Variants in PDE9A observed in about 807,000 individuals in gnomAD.
PDE9A encodes the protein phosphodiesterase 9A.
A neutral mutation model predicts 87.4 loss-of-function variants in PDE9A; 60 were observed. The observed-to-expected ratio is 0.69, with a 90% CI of 0.56 to 0.85. PDE9A has a LOEUF of 0.85. Ranked by LOEUF, PDE9A falls within the 40% of genes least tolerant of loss-of-function variation. The pLI, the probability that PDE9A is intolerant of heterozygous loss-of-function variation, is 0.00. For missense variants in PDE9A, 665 were observed against 779.0 expected (o/e 0.85, Z 1.74); for synonymous variants, 272 against 279.4 (o/e 0.97, Z 0.27).
intron 4 of PDE9A, among the ~76,000 whole-genome samples, chr21:42,726,937 G>A (rs985886065): frequency 2.0e-5 from 3 of 151,554 alleles, no homozygotes; most frequent in Non-Finnish European, 4.4e-5. Flanking sequence ...GTACCTCACA[G>A]TCTTGATTAC....
In PDE9A at chr21:42,691,306, G is replaced by A. The variant is rs180706227; in HGVS notation, c.218+3312G>A. Among the ~76,000 whole-genome samples, 25 of 119,224 alleles carry A rather than the reference G, an allele frequency of 2.1e-4. No homozygotes were observed. The East Asian group carries it at 4.6e-3, about 22-fold the overall frequency. 78.2% of individuals were successfully genotyped at this position (119,224 alleles called of 152,430 possible). ...CATCACCATCACTATCCAAAGTCAC[G>A]CATCCTGTCACTATCACCATCCAAA... On this transcript the variant is annotated intron_variant, in intron 3 of 19. Transcript: ENST00000291539.
At position 42,692,530 on chromosome 21, in the gene PDE9A, G is replaced by T. The variant is rs753986288; in HGVS notation, c.218+4536G>T. Among the ~76,000 whole-genome samples, 8 of 152,100 alleles carry T rather than the reference G, an allele frequency of 5.3e-5. No homozygotes were observed. The East Asian group carries it at 1.5e-3, about 29-fold the overall frequency. On this transcript the variant is annotated intron_variant, in intron 3 of 19. Transcript: ENST00000291539. The surrounding 1 kb of genome is among the most constrained non-coding windows in gnomAD (Gnocchi z 4.3). ...TTCTCAGACAACTGCGTCAGAATCC[G>T]CAGGGGGCTTGGTGGAGCACAGAGC... is the stretch of plus-strand genomic sequence containing the variant.
In PDE9A at chr21:42,762,274, G is replaced by A. The variant is rs935386887; in HGVS notation, c.1242+35G>A. 1.7e-5 allele frequency: 28 copies of A among 1,602,532 alleles called. No homozygotes were observed. In the Admixed American group the frequency reaches 4.0e-4, roughly 23 times the overall value. On this transcript the variant is annotated intron_variant, in intron 14 of 19. Coordinates refer to ENST00000291539, the MANE Select transcript of PDE9A (RefSeq NM_002606.3). The stretch of plus-strand genomic sequence containing the variant: ...GTGAGGGCCCTCCCACCGGAGTGGG[G>A]GCACATTCAGGGACAGAGCAGCCCC...
chr21:42,740,767 A>AAACAG (rs1569229352), intron 7 of PDE9A, among the ~76,000 whole-genome samples: 42 of 146,522 alleles, frequency 2.9e-4, no homozygotes, highest in African/African-American at 8.9e-4. Flanking sequence ...ATAGATAGAT[A>AAACAG]GATAGATAGA....
At chr21:42,721,759 C>A (rs1344273397) in intron 4 of PDE9A, among the ~76,000 whole-genome samples, 1 of 152,002 alleles carries the variant, frequency 6.6e-6, no homozygotes, top group Non-Finnish European at 1.5e-5. Context: ...GACAGGGAAG[C>A]CTTCCAGCCC....
At chr21:42,750,550 C>G (rs959401443) in intron 8 of PDE9A, among the ~76,000 whole-genome samples, 2 of 36,718 alleles carry the variant, frequency 5.4e-5, no homozygotes, top group Admixed American at 2.1e-4. Context: ...GAGAAGATAG[C>G]CCTCAACATC....
intron 4 of PDE9A, among the ~76,000 whole-genome samples, chr21:42,716,123 C>T (rs917274253): frequency 6.6e-6 from 1 of 151,748 alleles, no homozygotes; most frequent in African/African-American, 2.4e-5. Context: ...GTTTATTTGC[C>T]CACTCACCTA....
intron 8 of PDE9A, among the ~76,000 whole-genome samples, chr21:42,750,021 C>A (rs1021608584): frequency 1.3e-5 from 2 of 152,070 alleles, no homozygotes; most frequent in Non-Finnish European, 2.9e-5. Context: ...ACCTGTAATC[C>A]CAGCTACTCA....
In PDE9A at chr21:42,775,368, G is replaced by T. The variant is rs2057411855; in HGVS notation, c.*75G>T. 1.5e-6 allele frequency: 2 copies of T among 1,337,496 alleles called. No individual in the cohort carries two copies. Among genetic ancestry groups the T allele is most frequent in the Admixed American group, 4.3e-5 (2 of 46,776 alleles). 82.9% of individuals were successfully genotyped at this position (1,337,496 alleles called of 1,614,324 possible). A position where few individuals can be genotyped will look rare whatever the true frequency, so the allele number is the denominator to read the frequency against. Reference sequence around the variant, plus strand: ...CGGGATCCTTGTGCAGGGAAGAGCTGCCCTGGGCACCTGGCACCACAAGAC... The same window carrying T: ...CGGGATCCTTGTGCAGGGAAGAGCTTCCCTGGGCACCTGGCACCACAAGAC... On this transcript the variant is annotated 3_prime_UTR_variant, in exon 20 of 20. Transcript: ENST00000291539.
In PDE9A at chr21:42,762,113, G is replaced by A. The variant is rs760638698; in HGVS notation, c.1116G>A (p.Ala372=). ...TYQINARTEL[A]VRYNDISPLE... is the part of the protein sequence containing the mutation. ...AGATCAATGCCCGCACAGAGCTGGC[G>A]GTCCGCTACAATGACATCTCACCGC... Residue 372 remains alanine, a synonymous_variant, in exon 14 of 20, where the codon GCG becomes GCA. Transcript: ENST00000291539. 2.4e-5 allele frequency: 39 copies of A among 1,614,068 alleles called. No individual in the cohort carries two copies. The highest frequency in any genetic ancestry group is 1.6e-4 in the Middle Eastern group (1 of 6,062).
chr21:42,721,857 C>T (rs187463472), intron 4 of PDE9A, among the ~76,000 whole-genome samples: 28 of 152,184 alleles, frequency 1.8e-4, no homozygotes, highest in African/African-American at 5.5e-4. Context: ...CACAATCTTC[C>T]GGACGTCTAG....
chr21:42,718,510 C>T (rs7278005), intron 4 of PDE9A, among the ~76,000 whole-genome samples: 103,707 of 151,264 alleles, frequency 0.69, 37,448 homozygotes, highest in East Asian at 0.94. Context: ...TTTCTGTTGA[C>T]CTGTCCTTGA....
chr21:42,654,288 C>T (rs1445655559), intron 1 of PDE9A, among the ~76,000 whole-genome samples: 1 of 151,964 alleles, frequency 6.6e-6, no homozygotes, highest in African/African-American at 2.4e-5. Context: ...GCGGGGGGCG[C>T]CGGCGGGGAC....
rs966496447 is a variant in PDE9A at position 42,692,978 on chromosome 21, G to A, written c.218+4984G>A. Among the ~76,000 whole-genome samples the A allele has an allele frequency of 6.6e-5, 10 of 152,234 alleles. No individual in the cohort carries two copies. The highest frequency in any genetic ancestry group is 1.9e-4 in the African/African-American group (8 of 41,472). On this transcript the variant is annotated intron_variant, in intron 3 of 19. Transcript: ENST00000291539. The surrounding 1 kb of genome is among the most constrained non-coding windows in gnomAD (Gnocchi z 4.3). ...CATTCCCTCACCACATGTCCAGGAG[G>A]GAGCCGGCATCCTTTGCTGACTTTC...
intron 1 of PDE9A, among the ~76,000 whole-genome samples, chr21:42,681,353 T>C (rs1434357344): frequency 6.6e-6 from 1 of 152,216 alleles, no homozygotes; most frequent in East Asian, 1.9e-4. Flanking sequence ...TGGGAGTCAG[T>C]GTATGCTGTG....
chr21:42,724,697 T>C (rs981342740), intron 4 of PDE9A: 3 of 620,788 alleles, frequency 4.8e-6, no homozygotes, highest in African/African-American at 4.0e-5. Context: ...GCTTTGTGTC[T>C]GTACCCTTCC....
In PDE9A at chr21:42,669,129, A is replaced by G. The variant is rs565913145; in HGVS notation, c.69+15246A>G. On this transcript the variant is annotated intron_variant, in intron 1 of 19. Transcript: ENST00000291539. ...CAGGGCCGCTGTAGCAAATGGCCAT[A>G]AATGCCACAGCTTAAAACAACAGAA... 6.6e-5 allele frequency among the ~76,000 whole-genome samples: 10 copies of G among 152,254 alleles called. No individual in the cohort carries two copies. In the East Asian group the frequency reaches 1.7e-3, roughly 26 times the overall value.
At chr21:42,754,397 C>A (rs2054798816) in intron 10 of PDE9A, among the ~76,000 whole-genome samples, 2 of 152,150 alleles carry the variant, frequency 1.3e-5, no homozygotes, top group Admixed American at 1.3e-4. Flanking sequence ...CGGTGGCAGC[C>A]CCGTGCTGCA....
intron 4 of PDE9A, among the ~76,000 whole-genome samples, chr21:42,716,020 T>C (rs2049885358): frequency 6.6e-6 from 1 of 151,928 alleles, no homozygotes; most frequent in Non-Finnish European, 1.5e-5. Context: ...TCTTCAGGTT[T>C]TCTTTCACTT....
Sources: gnomAD v4.1 joint callset for allele counts (sites outside exome capture counted in the v4.1 genomes callset) on GRCh38, gnomAD v4.1.1 for gene constraint, Gnocchi (gnomAD v3.1) non-coding constraint, MANE v1.5 for transcripts, NCBI Gene and HGNC (gene_info 2026-07-23, HGNC 2026-07-21) for gene names.